MGAT5: variants seen among roughly 807,000 people sequenced by gnomAD.
MGAT5 encodes the protein alpha-1,6-mannosylglycoprotein 6-beta-N-acetylglucosaminyltransferase A.
A neutral mutation model predicts 94.3 loss-of-function variants in MGAT5; 30 were observed. The ratio of observed to expected loss-of-function variants is 0.32; its 90% CI spans 0.24 to 0.43. The LOEUF is 0.43. Among genes scored for constraint, MGAT5 ranks in the 20% least tolerant of loss-of-function variants. The pLI is 1.00. For synonymous variants in MGAT5, 310 were observed against 322.9 expected, an observed-to-expected ratio of 0.96 and a Z score of 0.43; for missense variants, 691 against 905.5, an observed-to-expected ratio of 0.76 and a Z score of 3.04.
chr2:134,208,376 A>C (rs775696740), intron 1 of MGAT5, among the ~76,000 whole-genome samples: 1 of 152,176 alleles, frequency 6.6e-6, no homozygotes, highest in Non-Finnish European at 1.5e-5. Flanking sequence ...CTACGGTGTA[A>C]ATGTACCACA....
chr2:134,318,563 A>G, intron 3 of MGAT5, 87 bp from the exon 4 acceptor site: 1 of 989,626 alleles, frequency 1.0e-6, no homozygotes, highest in Non-Finnish European at 1.6e-6. Flanking sequence ...CATTCACTCC[A>G]TCTTCACCAT....
chr2:134,260,414 C>T lies in MGAT5; in HGVS notation c.241+5770C>T, dbSNP rs908588368. ...CCCTCATTGGCTTGGGATGCTATGT[C>T]TAAGATGTTAATACCATTTAGGGCT... On this transcript the variant is annotated intron_variant, in intron 1 of 15. Coordinates refer to ENST00000281923, the MANE Select transcript of MGAT5 (RefSeq NM_002410.5). Among the ~76,000 whole-genome samples the T allele has an allele frequency of 2.6e-5, 4 of 152,136 alleles. 1 individual carries two copies. Among genetic ancestry groups the T allele is most frequent in the Admixed American group, 2.6e-4 (4 of 15,278 alleles).
chr2:134,353,740 G>T (rs76183288), intron 9 of MGAT5, among the ~76,000 whole-genome samples: 5,801 of 152,238 alleles, frequency 0.038, 447 homozygotes, highest in East Asian at 0.22. Context: ...ATCATCAGTG[G>T]TCGCTAAATC....
At chr2:134,271,157 T>C (rs924361159) in intron 2 of MGAT5, among the ~76,000 whole-genome samples, 17 of 152,078 alleles carry the variant, frequency 1.1e-4, no homozygotes, top group Admixed American at 9.2e-4. Context: ...ACAAGGAAAA[T>C]TGACTAAAAA....
At chr2:134,177,653 C>T (rs1019899745) in intron 1 of MGAT5, among the ~76,000 whole-genome samples, 9 of 152,168 alleles carry the variant, frequency 5.9e-5, no homozygotes, top group Non-Finnish European at 1.3e-4. Context: ...ATCTATTACG[C>T]CTGGGCATGA....
At chr2:134,424,067 A>G (rs1353686268) in intron 13 of MGAT5, among the ~76,000 whole-genome samples, 3 of 152,210 alleles carry the variant, frequency 2.0e-5, no homozygotes, top group African/African-American at 4.8e-5. Context: ...GAAGCTGGGG[A>G]AGCCTTTCTG....
chr2:134,124,713 C>A (rs140085227), intron 1 of MGAT5, among the ~76,000 whole-genome samples: 2 of 152,218 alleles, frequency 1.3e-5, no homozygotes, highest in Non-Finnish European at 2.9e-5. Flanking sequence ...GAGTTACACC[C>A]AAGTACTTCT....
chr2:134,204,295 G>A (rs1026096707), intron 1 of MGAT5, among the ~76,000 whole-genome samples: 1 of 152,114 alleles, frequency 6.6e-6, no homozygotes, highest in East Asian at 1.9e-4. Flanking sequence ...TACTGCTGTT[G>A]GATTTCTTAA....
chr2:134,180,348 G>A (rs1048183866), intron 1 of MGAT5, among the ~76,000 whole-genome samples: 30 of 152,234 alleles, frequency 2.0e-4, no homozygotes, highest in African/African-American at 6.7e-4. Flanking sequence ...AATCTGCTGC[G>A]GATGCTGCTG....
At chr2:134,434,559 C>G (rs551659255) in intron 14 of MGAT5, among the ~76,000 whole-genome samples, 1 of 152,326 alleles carries the variant, frequency 6.6e-6, no homozygotes, top group Admixed American at 6.5e-5. Context: ...TCTACTTCTG[C>G]TACTGTCAAA....
intron 11 of MGAT5, among the ~76,000 whole-genome samples, chr2:134,404,742 C>T (rs563940508): frequency 5.3e-5 from 8 of 152,262 alleles, no homozygotes; most frequent in African/African-American, 1.7e-4. Flanking sequence ...GCTTATTGGC[C>T]AAAGACCTGG....
chr2:134,257,776 A>G (rs1257220), intron 1 of MGAT5, among the ~76,000 whole-genome samples: 112,417 of 150,464 alleles, frequency 0.75, 42,144 homozygotes, highest in African/African-American at 0.77. Context: ...AGGATTCTCA[A>G]TGGTATAGCT....
chr2:134,420,880 G>A (rs2106355194), intron 12 of MGAT5, among the ~76,000 whole-genome samples: 1 of 152,310 alleles, frequency 6.6e-6, no homozygotes, highest in Middle Eastern at 3.4e-3. Context: ...CAGTATTATG[G>A]AATCAAGAAC....
At chr2:134,362,431 C>G (rs748046356) in intron 10 of MGAT5, 23 bp downstream of exon 10, 1 of 1,602,624 alleles carries the variant, frequency 6.2e-7, no homozygotes, top group South Asian at 1.1e-5. Flanking sequence ...GTGCGTGTCT[C>G]TCTCTCTGAA....
intron 1 of MGAT5, among the ~76,000 whole-genome samples, chr2:134,170,570 C>A (rs1688156723): frequency 6.6e-6 from 1 of 152,176 alleles, no homozygotes; most frequent in South Asian, 2.1e-4. Flanking sequence ...TAATGAAACT[C>A]TTCCAGAAAC....
At chr2:134,282,878 A>T (rs1162623137) in intron 2 of MGAT5, among the ~76,000 whole-genome samples, 1 of 152,138 alleles carries the variant, frequency 6.6e-6, no homozygotes, top group Non-Finnish European at 1.5e-5. Flanking sequence ...GCTAGCTGCC[A>T]GCAGGATCAG....
chr2:134,395,280 A>G (rs1231080637), intron 10 of MGAT5, among the ~76,000 whole-genome samples: 1 of 152,252 alleles, frequency 6.6e-6, no homozygotes, highest in South Asian at 2.1e-4. Context: ...TCTTGTTTTC[A>G]TAAACTGGCT....
At chr2:134,330,670 T>TG (rs1321815900) in intron 4 of MGAT5, among the ~76,000 whole-genome samples, 1 of 152,032 alleles carries the variant, frequency 6.6e-6, no homozygotes, top group Non-Finnish European at 1.5e-5. Context: ...ATGTTCATTG[T>TG]GAAATGTATA....
chr2:134,278,062 C>G (rs1170131935), intron 2 of MGAT5, among the ~76,000 whole-genome samples: 1 of 152,168 alleles, frequency 6.6e-6, no homozygotes, highest in Non-Finnish European at 1.5e-5. Flanking sequence ...ACATGGGAGC[C>G]ATCTTTAAGA....
Sources: gnomAD v4.1 joint callset for allele counts (sites outside exome capture counted in the v4.1 genomes callset) on GRCh38, gnomAD v4.1.1 for gene constraint, MANE v1.5 for transcripts, NCBI Gene and HGNC (gene_info 2026-07-23, HGNC 2026-07-21) for gene names.